The following XXYLT1 variants were observed in gnomAD, a reference collection of about 807,000 sequenced individuals.
XXYLT1 encodes the protein UDP-xylose:alpha-xyloside alpha-1,3-xylosyltransferase.
A neutral mutation model predicts 28.9 loss-of-function variants in XXYLT1; 20 were observed. The observed-to-expected ratio is 0.69, with a 90% CI of 0.49 to 1.00. The LOEUF (loss-of-function observed/expected upper bound fraction) is 1.00, where lower values mean the gene tolerates loss of function less well. XXYLT1 is among the 50% of genes least tolerant of loss of function. XXYLT1 has a pLI of 0.00. For synonymous variants in XXYLT1, 257 were observed against 253.8 expected (o/e 1.01, Z -0.12); for missense variants, 542 against 560.1 (o/e 0.97, Z 0.33).
At chr3:195,164,832 C>T (rs1453135294) in intron 2 of XXYLT1, among the ~76,000 whole-genome samples, 3 of 152,108 alleles carry the variant, frequency 2.0e-5, no homozygotes, top group Non-Finnish European at 4.4e-5. Flanking sequence ...ACTACAATGC[C>T]TAAGCAAACA....
At position 195,129,948 on chromosome 3, in the gene XXYLT1, T is replaced by C. The variant is rs1718821462; in HGVS notation, c.785+26501A>G. ...CACCACCAGTGAGTGCGGGTTCCCATGCCTCCAACTCCTCACCAGCACCTG... is the reference window on the plus strand; with the variant it reads ...CACCACCAGTGAGTGCGGGTTCCCACGCCTCCAACTCCTCACCAGCACCTG... On this transcript the variant is annotated intron_variant, in intron 3 of 3. Transcript: ENST00000310380. This position sits in a 1 kb window ranked among gnomAD's most constrained non-coding sequence, Gnocchi z 4.4. 6.6e-6 allele frequency among the ~76,000 whole-genome samples: 1 copy of C among 152,204 alleles called. No homozygotes were observed. Among genetic ancestry groups the C allele is most frequent in the African/African-American group, 2.4e-5 (1 of 41,448 alleles).
At chr3:195,178,983 T>C (rs374839524) in intron 2 of XXYLT1, among the ~76,000 whole-genome samples, 2 of 152,194 alleles carry the variant, frequency 1.3e-5, no homozygotes, top group African/African-American at 4.8e-5. Flanking sequence ...TCCCTGTCCC[T>C]GGGCCTTCAC....
chr3:195,090,083 C>CT (rs1466353402), intron 3 of XXYLT1, among the ~76,000 whole-genome samples: 1 of 150,570 alleles, frequency 6.6e-6, no homozygotes, highest in African/African-American at 2.5e-5. Context: ...TAATGGGAGA[C>CT]TTTAACACCC....
At chr3:195,234,449 G>A (rs755951193) in intron 1 of XXYLT1, among the ~76,000 whole-genome samples, 1 of 150,344 alleles carries the variant, frequency 6.7e-6, no homozygotes, top group Non-Finnish European at 1.5e-5. Context: ...CTCCCAAGTA[G>A]CTGGGATTAC....
At chr3:195,178,648 C>T (rs1424766381) in intron 2 of XXYLT1, among the ~76,000 whole-genome samples, 1 of 152,202 alleles carries the variant, frequency 6.6e-6, no homozygotes, top group Non-Finnish European at 1.5e-5. Flanking sequence ...TGTGTCTGCC[C>T]TCTCCCAGTG....
At position 195,175,412 on chromosome 3, in the gene XXYLT1, A is replaced by G. The variant is rs778302852; in HGVS notation, c.653-18831T>C. Among the ~76,000 whole-genome samples, 3 of 152,216 alleles carry G rather than the reference A, an allele frequency of 2.0e-5. No homozygotes were observed. In the East Asian group the frequency reaches 5.8e-4, roughly 29 times the overall value. Reference sequence around the variant, plus strand: ...GCGGACAGAAGGGAAGTCTAAGACCATTCCTTTGTTTCTGGCTCAAGCAAC... The same window carrying G: ...GCGGACAGAAGGGAAGTCTAAGACCGTTCCTTTGTTTCTGGCTCAAGCAAC... On this transcript the variant is annotated intron_variant, in intron 2 of 3. Coordinates refer to ENST00000310380, the MANE Select transcript of XXYLT1 (RefSeq NM_152531.5).
At chr3:195,105,012 T>A (rs1420806143) in intron 3 of XXYLT1, among the ~76,000 whole-genome samples, 1 of 152,228 alleles carries the variant, frequency 6.6e-6, no homozygotes, top group East Asian at 1.9e-4. Context: ...TGAGAGCCTG[T>A]CTTTTGAGGT....
chr3:195,156,458 GGC>G lies in XXYLT1; in HGVS notation c.774_775del (p.Gln258HisfsTer13). 3.7e-6 allele frequency: 6 copies of G among 1,614,054 alleles called. No individual in the cohort carries two copies. The highest frequency in any genetic ancestry group is 5.1e-6 in the Non-Finnish European group (6 of 1,180,008). On this transcript the variant is annotated frameshift_variant, in exon 3 of 4. Coordinates refer to ENST00000310380, the MANE Select transcript of XXYLT1 (RefSeq NM_152531.5). LOFTEE classifies it high-confidence loss of function. ...TGCAGTCATGACGCACCTGTAAACTGGCTGCATCTCCCGGGCTATGCCGATGA... is the reference window on the plus strand; with the variant it reads ...TGCAGTCATGACGCACCTGTAAACTGTGCATCTCCCGGGCTATGCCGATGA...
At position 195,270,678 on chromosome 3, in the gene XXYLT1, G is replaced by A. The variant is rs780791157; in HGVS notation, c.381C>T (p.Arg127=). ...KARVALRSLL[R]LAKFEAHEVL... is the part of the protein sequence containing the mutation. ...CCTCGTGCGCCTCGAACTTGGCGAG[G>A]CGCAGCAGTGAGCGCAGCGCGACGC... The change falls in exon 1 of 4, where the codon CGC becomes CGT. Residue 127 remains arginine, a synonymous_variant. Transcript: ENST00000310380. The A allele has an allele frequency of 3.2e-6, 5 of 1,586,494 alleles. No homozygotes were observed. The highest frequency in any genetic ancestry group is 1.1e-5 in the South Asian group (1 of 88,408).
intron 3 of XXYLT1, among the ~76,000 whole-genome samples, chr3:195,102,425 C>T (rs1363601703): frequency 6.6e-6 from 1 of 152,182 alleles, no homozygotes; most frequent in African/African-American, 2.4e-5. Flanking sequence ...ACTGGTATCT[C>T]CCCATTTCCT....
chr3:195,083,433 T>C (rs1210459535), intron 3 of XXYLT1, among the ~76,000 whole-genome samples: 1 of 152,188 alleles, frequency 6.6e-6, no homozygotes, highest in Non-Finnish European at 1.5e-5. Flanking sequence ...GTCAACACCC[T>C]CCCTGCTGAG....
intron 3 of XXYLT1, among the ~76,000 whole-genome samples, chr3:195,143,812 A>ATATATATATTTTTTTTTTTTTTTTT (rs1719635756): frequency 1.1e-5 from 1 of 94,852 alleles, no homozygotes; most frequent in Non-Finnish European, 2.2e-5. Flanking sequence ...ATAGATATAT[A>ATATATATATTTTTTTTTTTTTTTTT]TAGATATAGA....
chr3:195,130,024 T>C (rs189015118), intron 3 of XXYLT1, among the ~76,000 whole-genome samples: 17 of 152,348 alleles, frequency 1.1e-4, no homozygotes, highest in African/African-American at 3.8e-4. Flanking sequence ...GGATATGAAC[T>C]GGTGTCTCAC....
chr3:195,106,536 G>A (rs1315013634), intron 3 of XXYLT1, among the ~76,000 whole-genome samples: 3 of 152,240 alleles, frequency 2.0e-5, no homozygotes, highest in Non-Finnish European at 4.4e-5. Context: ...CGGGGCTGCG[G>A]TGGGAGGGCC....
chr3:195,116,218 T>G (rs1261737653), intron 3 of XXYLT1, among the ~76,000 whole-genome samples: 2 of 152,190 alleles, frequency 1.3e-5, no homozygotes, highest in African/African-American at 4.8e-5. Flanking sequence ...CTGGATCTAC[T>G]GACACATCTA....
intron 2 of XXYLT1, among the ~76,000 whole-genome samples, chr3:195,169,012 T>G (rs569860664): frequency 6.6e-6 from 1 of 152,272 alleles, no homozygotes; most frequent in East Asian, 1.9e-4. Context: ...AAAACAACAG[T>G]GTATTACTAT....
At position 195,240,158 on chromosome 3, in the gene XXYLT1, G is replaced by C. The variant is rs183592852; in HGVS notation, c.505-13302C>G. 7.9e-5 allele frequency among the ~76,000 whole-genome samples: 12 copies of C among 152,334 alleles called. No individual in the cohort carries two copies. The highest frequency in any genetic ancestry group is 2.4e-4 in the African/African-American group (10 of 41,580). ...CAAACTAAAATATGTAACCGAGAAA[G>C]TGCTGTGTGATATAAAAGACCTTGG... On this transcript the variant is annotated intron_variant, in intron 1 of 3. Coordinates refer to ENST00000310380, the MANE Select transcript of XXYLT1 (RefSeq NM_152531.5). This position sits in a 1 kb window ranked among gnomAD's most constrained non-coding sequence, Gnocchi z 4.7.
Position 195,129,313 on chromosome 3 carries a change from T to C in XXYLT1, c.785+27136A>G, listed in dbSNP as rs1247962886. ...ACATGTACAATTCAGTGGATTTTAG[T>C]ATGCTCACAGAGTTGTGTAACTATG... On this transcript the variant is annotated intron_variant, in intron 3 of 3. Transcript: ENST00000310380. The surrounding 1 kb of genome is among the most constrained non-coding windows in gnomAD (Gnocchi z 4.4). Among the ~76,000 whole-genome samples, 3 of 152,358 alleles carry C rather than the reference T, an allele frequency of 2.0e-5. No homozygotes were observed. In the East Asian group the frequency reaches 5.8e-4, roughly 29 times the overall value.
Position 195,083,068 on chromosome 3 carries a change from G to C in XXYLT1, c.786-12957C>G, listed in dbSNP as rs550450630. ...CTGTGACAACGCTCAACCCTCCGGA[G>C]GATGAAGTGAAGACAAAACAGGATA... On this transcript the variant is annotated intron_variant, in intron 3 of 3. Coordinates refer to ENST00000310380, the MANE Select transcript of XXYLT1 (RefSeq NM_152531.5). Among the ~76,000 whole-genome samples the C allele has an allele frequency of 1.2e-4, 19 of 152,334 alleles. No homozygotes were observed. In the South Asian group the frequency reaches 3.7e-3, roughly 30 times the overall value.
Sources: gnomAD v4.1 joint callset for allele counts (sites outside exome capture counted in the v4.1 genomes callset) on GRCh38, gnomAD v4.1.1 for gene constraint, Gnocchi (gnomAD v3.1) non-coding constraint, MANE v1.5 for transcripts, NCBI Gene and HGNC (gene_info 2026-07-23, HGNC 2026-07-21) for gene names.